Variants in PIN4 observed in about 807,000 individuals in gnomAD.
PIN4 encodes the protein peptidylprolyl cis/trans isomerase, NIMA-interacting 4.
In PIN4, 3 loss-of-function variants were observed where a neutral mutation model predicts 8.3. That is an observed-to-expected ratio of 0.36 (90% CI 0.16 to 0.93). PIN4 has a LOEUF of 0.93. Ranked by LOEUF, PIN4 falls within the 40% of genes least tolerant of loss-of-function variation. The pLI is 0.44. For synonymous variants in PIN4, 18 were observed against 32.5 expected, an observed-to-expected ratio of 0.55 and a Z score of 1.52; for missense variants, 75 against 100.6, an observed-to-expected ratio of 0.75 and a Z score of 1.09.
chrX:72,235,662 G>C (rs1267058443), intron 3 of PIN4, among the ~76,000 whole-genome samples: 1 of 111,575 alleles, frequency 9.0e-6, no homozygotes, highest in African/African-American at 3.3e-5. Flanking sequence ...CCAAGTGCTG[G>C]GATTACAGGC....
intron 3 of PIN4, chrX:72,204,969 C>T: frequency 9.4e-7 from 1 of 1,062,835 alleles, no homozygotes; most frequent in Non-Finnish European, 1.3e-6. Context: ...CAAAAATTCC[C>T]TCATATTCAG....
chrX:72,248,315 A>G lies in PIN4; in HGVS notation c.313-14392A>G, dbSNP rs1178462068. Among the ~76,000 whole-genome samples the G allele has an allele frequency of 7.2e-3, 383 of 53,481 alleles. 4 individuals are homozygous for G. The highest frequency in any genetic ancestry group is 0.035 in the African/African-American group (353 of 10,129). 46.4% of individuals were successfully genotyped at this position (53,481 alleles called of 115,157 possible). A position where few individuals can be genotyped will look rare whatever the true frequency, so the allele number is the denominator to read the frequency against. On this transcript the variant is annotated intron_variant, in intron 3 of 3. Coordinates refer to the PIN4 transcript ENST00000423432. The stretch of plus-strand genomic sequence containing the variant: ...AGAAAAAAAAAAAAAAAAAAAAAAA[A>G]AAAAAAAAAAAAAAAAAAAAATGTC...
intron 3 of PIN4, among the ~76,000 whole-genome samples, chrX:72,247,277 C>G (rs372847222): frequency 2.7e-5 from 3 of 112,174 alleles, no homozygotes; most frequent in African/African-American, 6.5e-5. Context: ...AGACAGCCCT[C>G]TTCTAGTCCC....
chrX:72,209,424 G>A (rs1267280004), intron 3 of PIN4, among the ~76,000 whole-genome samples: 2 of 111,444 alleles, frequency 1.8e-5, no homozygotes, highest in South Asian at 3.8e-4. Flanking sequence ...CTCTAAAAAC[G>A]TGCTTCTCCA....
intron 3 of PIN4, among the ~76,000 whole-genome samples, chrX:72,241,216 T>C (rs1375567681): frequency 8.9e-6 from 1 of 111,767 alleles, no homozygotes; most frequent in East Asian, 2.8e-4. Context: ...AATTCTTGTG[T>C]TGAAACTTAA....
rs181334786 is a variant in PIN4, at chrX:72,186,544, T to C, written c.117+10T>C. 900 of 1,130,591 alleles carry C rather than the reference T, an allele frequency of 8.0e-4. 1 individual carries two copies. Among genetic ancestry groups the C allele is most frequent in the Middle Eastern group, 1.1e-3 (4 of 3,574 alleles). The allele number at this position is 1,130,591 out of a possible 1,213,427, so 93.2% of individuals were successfully genotyped here. On this transcript the variant is annotated intron_variant, in intron 2 of 3. Transcript: ENST00000373669. The stretch of plus-strand genomic sequence containing the variant: ...TGGCAATGCAGTAAAGGTGAGTTAC[T>C]GGTTCCTTTTTTTCCATGTTAAATA...
chrX:72,205,739 G>T (rs1474162780), intron 3 of PIN4: 2 of 1,211,192 alleles, frequency 1.7e-6, no homozygotes, highest in South Asian at 3.5e-5. Context: ...ACTTCTTCTG[G>T]TTCATCGTCT....
chrX:72,188,328 T>A (rs1434521622), intron 2 of PIN4, among the ~76,000 whole-genome samples: 2 of 112,398 alleles, frequency 1.8e-5, no homozygotes, highest in African/African-American at 3.2e-5. Flanking sequence ...CCTAAGAGAC[T>A]GTTGCACTGC....
chrX:72,206,931 T>C lies in PIN4; in HGVS notation c.312+10027T>C, dbSNP rs199578644. 7.3e-5 allele frequency: 88 copies of C among 1,209,645 alleles called. No individual in the cohort carries two copies. In the East Asian group the frequency reaches 2.6e-3, roughly 36 times the overall value. ...TACTAAAATATCGGAAAGGGTTCTT[T>C]TTTTCACCAGTAGTTTGTCTTATTA... is the stretch of plus-strand genomic sequence containing the variant. On this transcript the variant is annotated intron_variant, in intron 3 of 3. Coordinates refer to the PIN4 transcript ENST00000423432.
At chrX:72,200,201 GGATTTATACA>G (rs1021435285), downstream of PIN4, among the ~76,000 whole-genome samples, 4 of 109,466 alleles carry the variant, frequency 3.7e-5, no homozygotes, top group African/African-American at 1.3e-4. Context: ...AAAAAATTAA[GGATTTATACA>G]GATTTATATA....
chrX:72,198,307 T>C lies in PIN4; in HGVS notation c.*781T>C. 1.4e-6 allele frequency: 1 copy of C among 719,076 alleles called. No homozygotes were observed. Among genetic ancestry groups the C allele is most frequent in the South Asian group, 7.1e-5 (1 of 14,113 alleles). The allele number at this position is 719,076 out of a possible 1,213,427, so 59.3% of individuals were successfully genotyped here. On this transcript the variant is annotated 3_prime_UTR_variant, in exon 4 of 4. Transcript: ENST00000373669. ...GTATAAAGATTACTAATATAAATAC[T>C]ATACTGCTTCAAAAATAAAACTTTG... is the stretch of plus-strand genomic sequence containing the variant.
chrX:72,205,233 C>T lies in PIN4; in HGVS notation c.312+8329C>T, dbSNP rs2042810366. The T allele has an allele frequency of 2.5e-6, 3 of 1,211,706 alleles. No homozygotes were observed. In the African/African-American group the frequency reaches 5.2e-5, roughly 21 times the overall value. On this transcript the variant is annotated intron_variant, in intron 3 of 3. Transcript: ENST00000423432. ...CAACCAACTGTTCACCAGACAAAGG[C>T]TCAGGGGCACCAAGAGAGGTCTCTT...
chrX:72,215,318 T>G (rs771636941), intron 3 of PIN4, among the ~76,000 whole-genome samples: 44 of 111,878 alleles, frequency 3.9e-4, no homozygotes, highest in Admixed American at 1.6e-3. Flanking sequence ...CACACGTGTA[T>G]GCACTTGTCA....
At chrX:72,191,158 G>A (rs139856766) in intron 2 of PIN4, among the ~76,000 whole-genome samples, 1 of 106,425 alleles carries the variant, frequency 9.4e-6, no homozygotes, top group African/African-American at 3.6e-5. Flanking sequence ...CTCAACCCTA[G>A]ACGTACATCA....
intron 2 of PIN4, 79 bp downstream of exon 2, chrX:72,186,613 T>A: frequency 1.6e-6 from 1 of 620,658 alleles, no homozygotes; most frequent in Non-Finnish European, 2.6e-6. Context: ...ACAGAATGCT[T>A]AACTCATTCT....
At chrX:72,252,280 G>A (rs781257960) in intron 3 of PIN4, among the ~76,000 whole-genome samples, 1 of 110,300 alleles carries the variant, frequency 9.1e-6, no homozygotes, top group Non-Finnish European at 1.9e-5. Flanking sequence ...TTATTTTTTC[G>A]TAGAGGTGGG....
At chrX:72,227,601 C>T (rs143090117) in intron 3 of PIN4, among the ~76,000 whole-genome samples, 146 of 111,260 alleles carry the variant, frequency 1.3e-3, no homozygotes, top group African/African-American at 3.7e-3. Context: ...GTATATTATC[C>T]GCCATTTCAT....
chrX:72,206,611 A>G, intron 3 of PIN4: 3 of 1,211,428 alleles, frequency 2.5e-6, no homozygotes, highest in East Asian at 3.0e-5. Context: ...TTGTTGTTCC[A>G]TCAGGAACTC....
At chrX:72,182,898 G>C (rs2042681159) in intron 1 of PIN4, among the ~76,000 whole-genome samples, 1 of 111,721 alleles carries the variant, frequency 9.0e-6, no homozygotes, top group African/African-American at 3.3e-5. Context: ...ACAAAGACGA[G>C]ATCATGGAGA....
Sources: gnomAD v4.1 joint callset for allele counts (sites outside exome capture counted in the v4.1 genomes callset) on GRCh38, gnomAD v4.1.1 for gene constraint, MANE v1.5 for transcripts, NCBI Gene and HGNC (gene_info 2026-07-23, HGNC 2026-07-21) for gene names.